Variants in FNBP4 observed in about 807,000 individuals in gnomAD.
FNBP4 encodes the protein formin binding protein 4, also known as formin-binding protein 4.
FNBP4 carries 34 observed loss-of-function variants against 119.3 expected under a neutral mutation model. The ratio of observed to expected loss-of-function variants is 0.28; its 90% CI spans 0.22 to 0.38. The LOEUF (loss-of-function observed/expected upper bound fraction) is 0.38, where lower values mean the gene tolerates loss of function less well. FNBP4 is among the 10% of genes least tolerant of loss of function. FNBP4 has a pLI of 1.00. For missense variants in FNBP4, 1,112 were observed against 1,228.9 expected (o/e 0.90, Z 1.42); for synonymous variants, 462 against 430.6 (o/e 1.07, Z -0.90).
chr11:47,750,874 T>C (rs762836131), intron 6 of FNBP4, 42 bp downstream of exon 6: 1 of 1,608,892 alleles, frequency 6.2e-7, no homozygotes, highest in Non-Finnish European at 8.5e-7. Flanking sequence ...TAACGCTTAT[T>C]AGATCTGAAA....
In FNBP4 at chr11:47,732,368, A is replaced by C. The variant is rs2135111905; in HGVS notation, c.1820+169T>G. On this transcript the variant is annotated intron_variant, in intron 11 of 16. Coordinates refer to ENST00000263773, the MANE Select transcript of FNBP4 (RefSeq NM_015308.5). This position sits in a 1 kb window ranked among gnomAD's most constrained non-coding sequence, Gnocchi z 4.2. ...CTTTAAACATTGCTTTTGTTTCTCC[A>C]ATGTGTGGCTGGCCAAACTTTGTGC... The C allele has an allele frequency of 6.6e-7, 1 of 1,510,134 alleles. No homozygotes were observed. Among genetic ancestry groups the C allele is most frequent in the Non-Finnish European group, 8.8e-7 (1 of 1,133,054 alleles). 93.5% of individuals were successfully genotyped at this position (1,510,134 alleles called of 1,614,324 possible). A position where few individuals can be genotyped will look rare whatever the true frequency, so the allele number is the denominator to read the frequency against.
chr11:47,734,364 A>G (rs1223409095), intron 9 of FNBP4, among the ~76,000 whole-genome samples: 3 of 152,208 alleles, frequency 2.0e-5, no homozygotes, highest in Non-Finnish European at 4.4e-5. Flanking sequence ...CATAATCACA[A>G]TGCATTTTAA....
Position 47,767,298 on chromosome 11 carries a change from A to C in FNBP4, c.-10T>G. ...GGGACTTCTTCCCCATCGCGAGCCC[A>C]AGCGCGAGCAGAGAGCGTCGGGCGG... is the stretch of plus-strand genomic sequence containing the variant. On this transcript the variant is annotated 5_prime_UTR_variant, in exon 1 of 17. Transcript: ENST00000263773. The C allele has an allele frequency of 6.7e-7, 1 of 1,497,900 alleles. No individual in the cohort carries two copies. Among genetic ancestry groups the C allele is most frequent in the Non-Finnish European group, 8.8e-7 (1 of 1,129,992 alleles). The allele number at this position is 1,497,900 out of a possible 1,614,324, so 92.8% of individuals were successfully genotyped here. A position where few individuals can be genotyped will look rare whatever the true frequency, so the allele number is the denominator to read the frequency against.
At chr11:47,756,977 C>G (rs12225433) in intron 2 of FNBP4, among the ~76,000 whole-genome samples, 3,975 of 152,230 alleles carry the variant, frequency 0.026, 160 homozygotes, top group South Asian at 0.19. Context: ...CAAGTCTTTG[C>G]TATTGTGAAT....
intron 12 of FNBP4, chr11:47,726,155 A>G (rs1386557730): frequency 6.6e-6 from 1 of 152,208 alleles, no homozygotes; most frequent in Non-Finnish European, 1.5e-5. Flanking sequence ...AATAAGGCTC[A>G]ATTATGAAAG....
Position 47,767,325 on chromosome 11 carries a change from C to T in FNBP4, c.-37G>A, listed in dbSNP as rs372381164. On this transcript the variant is annotated 5_prime_UTR_variant, in exon 1 of 17. Coordinates refer to ENST00000263773, the MANE Select transcript of FNBP4 (RefSeq NM_015308.5). ...GCGCGAGCAGAGAGCGTCGGGCGGCCGAGAGGGGCGGGCACTGGAGGCTGG... is the reference window on the plus strand; with the variant it reads ...GCGCGAGCAGAGAGCGTCGGGCGGCTGAGAGGGGCGGGCACTGGAGGCTGG... 731 of 1,441,214 alleles carry T rather than the reference C, an allele frequency of 5.1e-4. No individual in the cohort carries two copies. The highest frequency in any genetic ancestry group is 5.5e-4 in the Non-Finnish European group (606 of 1,103,236). 89.3% of individuals were successfully genotyped at this position (1,441,214 alleles called of 1,614,324 possible).
At chr11:47,743,217 G>A (rs899084164) in intron 8 of FNBP4, among the ~76,000 whole-genome samples, 25 of 152,064 alleles carry the variant, frequency 1.6e-4, no homozygotes, top group African/African-American at 1.2e-4. Context: ...AGCTGAAAGC[G>A]GTGGCTCACG....
intron 15 of FNBP4, among the ~76,000 whole-genome samples, chr11:47,720,373 C>G (rs1235002347): frequency 6.6e-6 from 1 of 151,754 alleles, no homozygotes; most frequent in Non-Finnish European, 1.5e-5. Flanking sequence ...TCGAGACCAT[C>G]CTGGCTAACA....
At chr11:47,754,427 A>T in intron 3 of FNBP4, 101 bp downstream of exon 3, 1 of 1,090,532 alleles carries the variant, frequency 9.2e-7, no homozygotes, top group Non-Finnish European at 1.3e-6. Flanking sequence ...AGAGGGAGAA[A>T]GGAGGAGGAA....
chr11:47,746,009 G>C (rs2097589457), intron 7 of FNBP4, 47 bp downstream of exon 7: 2 of 1,437,176 alleles, frequency 1.4e-6, no homozygotes, highest in Non-Finnish European at 1.9e-6. Flanking sequence ...TCCCTGTAGA[G>C]TAGTACTGAG....
intron 15 of FNBP4, among the ~76,000 whole-genome samples, chr11:47,722,327 C>G (rs1384506616): frequency 6.6e-6 from 1 of 151,522 alleles, no homozygotes; most frequent in Non-Finnish European, 1.5e-5. Context: ...CAGCTCACTG[C>G]AACCTCAGCC....
intron 12 of FNBP4, chr11:47,727,041 C>T (rs1008467833): frequency 4.6e-5 from 7 of 152,116 alleles, no homozygotes; most frequent in Non-Finnish European, 1.0e-4. Flanking sequence ...TAATGCAATA[C>T]CAACATGTTT....
At chr11:47,731,960 A>C in intron 11 of FNBP4, 6 of 998,934 alleles carry the variant, frequency 6.0e-6, no homozygotes, top group Non-Finnish European at 7.1e-6. Flanking sequence ...CCCCTCTTGG[A>C]CCGTGGAATT....
At chr11:47,763,037 G>A (rs897666583) in intron 2 of FNBP4, among the ~76,000 whole-genome samples, 2 of 151,358 alleles carry the variant, frequency 1.3e-5, no homozygotes, top group African/African-American at 2.4e-5. Flanking sequence ...ATTTTCAGGG[G>A]CGTTAAAAAC....
intron 2 of FNBP4, among the ~76,000 whole-genome samples, chr11:47,763,476 A>G (rs934277280): frequency 8.0e-5 from 10 of 124,314 alleles, no homozygotes; most frequent in Admixed American, 4.5e-4. Flanking sequence ...AAGCATGGTC[A>G]TTCTTCAGAG....
Position 47,753,093 on chromosome 11 carries a change from C to A in FNBP4, c.460G>T (p.Ala154Ser), listed in dbSNP as rs755904835. ...GCTGCAGGCTGAGGAGCTGTTATGGCATCGATCTCCTTCAGTATGAAAAGA... is the reference window on the plus strand; with the variant it reads ...GCTGCAGGCTGAGGAGCTGTTATGGAATCGATCTCCTTCAGTATGAAAAGA... ...TLANFLAEID[A>S]ITAPQPAAPV... Residue 154 changes from alanine to serine, a missense_variant, in exon 4 of 17, where the codon GCC becomes TCC. Ala to Ser is a moderately conservative substitution (Grantham distance 99). This residue lies in a region of FNBP4 where 286 missense variants were observed against 240.1 expected (regional missense o/e 1.19). Coordinates refer to ENST00000263773, the MANE Select transcript of FNBP4 (RefSeq NM_015308.5). 6.2e-7 allele frequency: 1 copy of A among 1,609,794 alleles called. No homozygotes were observed. The highest frequency in any genetic ancestry group is 8.5e-7 in the Non-Finnish European group (1 of 1,178,660).
intron 6 of FNBP4, among the ~76,000 whole-genome samples, chr11:47,747,348 G>A (rs1025560849): frequency 3.3e-5 from 5 of 152,180 alleles, no homozygotes; most frequent in African/African-American, 1.2e-4. Flanking sequence ...GGGATTATAG[G>A]CGAGAGCCAC....
intron 8 of FNBP4, among the ~76,000 whole-genome samples, chr11:47,741,083 G>A (rs900271456): frequency 6.6e-6 from 1 of 150,598 alleles, no homozygotes. Context: ...TGGCCAGGCT[G>A]GTCTCGAACT....
intron 8 of FNBP4, among the ~76,000 whole-genome samples, chr11:47,739,917 T>C (rs2097579446): frequency 6.6e-6 from 1 of 151,814 alleles, no homozygotes; most frequent in Non-Finnish European, 1.5e-5. Context: ...TAGCTGGGAT[T>C]ACAGGCATGC....
Sources: allele counts gnomAD v4.1 joint callset (sites outside exome capture counted in the v4.1 genomes callset), GRCh38; gene constraint gnomAD v4.1.1; regional missense constraint gnomAD v4.1.1; non-coding constraint Gnocchi (gnomAD v3.1); transcripts MANE v1.5; gene names NCBI Gene and HGNC (gene_info 2026-07-23, HGNC 2026-07-21).